Variants in CFAP70 observed in about 807,000 individuals in gnomAD.
CFAP70 encodes the protein cilia- and flagella-associated protein 70.
A neutral mutation model predicts 137.6 loss-of-function variants in CFAP70; 81 were observed. The observed-to-expected ratio is 0.59, with a 90% CI of 0.49 to 0.71. CFAP70 has a LOEUF of 0.71. Among genes scored for constraint, CFAP70 ranks in the 30% least tolerant of loss-of-function variants. The pLI is 0.00. For missense variants in CFAP70, 976 were observed against 1,226.7 expected (o/e 0.80, Z 3.05); for synonymous variants, 382 against 423.6 (o/e 0.90, Z 1.20).
chr10:73,348,984 C>T (rs766351009), intron 3 of CFAP70, among the ~76,000 whole-genome samples: 1 of 151,668 alleles, frequency 6.6e-6, no homozygotes, highest in Non-Finnish European at 1.5e-5. Context: ...ATCGCTTGAA[C>T]CTGGGAGGCA....
At chr10:73,349,214 A>T (rs1442615482) in intron 3 of CFAP70, among the ~76,000 whole-genome samples, 1 of 152,156 alleles carries the variant, frequency 6.6e-6, no homozygotes, top group Non-Finnish European at 1.5e-5. Context: ...GATCTTAAGA[A>T]TGGCTAAAAA....
At chr10:73,351,069 G>GTATATATA (rs1367174993) in intron 3 of CFAP70, among the ~76,000 whole-genome samples, 124 of 50,492 alleles carry the variant, frequency 2.5e-3, no homozygotes, top group Admixed American at 3.2e-3. Flanking sequence ...GTGTGTGTGT[G>GTATATATA]TGTATATATA....
chr10:73,332,438 C>G (rs940199503), intron 7 of CFAP70, among the ~76,000 whole-genome samples: 2 of 152,182 alleles, frequency 1.3e-5, no homozygotes, highest in Non-Finnish European at 2.9e-5. Flanking sequence ...AGATCCTTAT[C>G]TGATCTCAGG....
chr10:73,310,577 C>A (rs2049828045), intron 11 of CFAP70, among the ~76,000 whole-genome samples: 1 of 152,156 alleles, frequency 6.6e-6, no homozygotes, highest in Admixed American at 6.6e-5. Context: ...TTCCAGCAAC[C>A]TTCTTTCAGG....
chr10:73,272,809 A>T, intron 24 of CFAP70, 119 bp downstream of exon 25: 1 of 856,348 alleles, frequency 1.2e-6, no homozygotes, highest in Non-Finnish European at 2.0e-6. Flanking sequence ...ACTTTTCATT[A>T]CAGCAGACAG....
intron 25 of CFAP70, among the ~76,000 whole-genome samples, chr10:73,268,515 AT>A (rs1194674824): frequency 6.6e-6 from 1 of 151,764 alleles, no homozygotes; most frequent in African/African-American, 2.4e-5. Context: ...TATATATCCT[AT>A]TTTTTTTCCT....
rs551357335 is a variant in CFAP70 at position 73,351,943 on chromosome 10, A to G, written c.250+1613T>C. ...GTTGGGGTGGAAGTCTAGGTTCCCT[A>G]CTCAGCCTCCTCTGACACCTGATGG... On this transcript the variant is annotated intron_variant, in intron 3 of 26. Coordinates refer to ENST00000310715, the Ensembl canonical transcript of CFAP70. 3.9e-5 allele frequency among the ~76,000 whole-genome samples: 6 copies of G among 152,342 alleles called. No homozygotes were observed. The South Asian group carries it at 1.2e-3, about 32-fold the overall frequency.
chr10:73,299,919 G>A (rs1337736337), intron 12 of CFAP70, among the ~76,000 whole-genome samples: 2 of 152,082 alleles, frequency 1.3e-5, no homozygotes, highest in African/African-American at 4.8e-5. Flanking sequence ...TGTATTTTTG[G>A]TTAATTTGAG....
intron 26 of CFAP70, 53 bp from the exon 28 acceptor site, chr10:73,254,108 A>C (rs1435477898): frequency 1.4e-6 from 2 of 1,461,632 alleles, no homozygotes; most frequent in African/African-American, 2.8e-5. Flanking sequence ...GATATACTTT[A>C]TGTGGCTTTG....
chr10:73,337,647 G>A (rs1158418909), intron 6 of CFAP70, among the ~76,000 whole-genome samples: 1 of 152,188 alleles, frequency 6.6e-6, no homozygotes, highest in African/African-American at 2.4e-5. Flanking sequence ...GTTCACGCCT[G>A]TAATCCCAGC....
intron 3 of CFAP70, among the ~76,000 whole-genome samples, chr10:73,351,059 GTGTGTGTGTGTGTATATA>G (rs1564889596): frequency 3.7e-5 from 2 of 54,338 alleles, no homozygotes; most frequent in South Asian, 8.3e-4. Flanking sequence ...GTGTGTGTGT[GTGTGTGTGTGTGTATATA>G]TATATATATA....
At chr10:73,270,507 TCCCCTCCCCTCCCCTC>T in intron 24 of CFAP70, among the ~76,000 whole-genome samples, 2 of 8,066 alleles carry the variant, frequency 2.5e-4, no homozygotes, top group South Asian at 8.2e-3. Context: ...TCCCTTCCCT[TCCCCTCCCCTCCCCTC>T]CCCCTCCCCT....
intron 2 of CFAP70, among the ~76,000 whole-genome samples, chr10:73,354,391 TG>T (rs958649315): frequency 2.2e-4 from 34 of 152,362 alleles, no homozygotes; most frequent in African/African-American, 8.2e-4. Context: ...ACATTGTTGT[TG>T]TTTTTTTAAT....
At chr10:73,302,528 G>A (rs2049026596) in intron 12 of CFAP70, among the ~76,000 whole-genome samples, 1 of 152,156 alleles carries the variant, frequency 6.6e-6, no homozygotes, top group Non-Finnish European at 1.5e-5. Flanking sequence ...TTTGTATTTA[G>A]ATAGCATTAC....
intron 16 of CFAP70, among the ~76,000 whole-genome samples, chr10:73,292,355 G>C (rs1357181520): frequency 6.6e-6 from 1 of 152,160 alleles, no homozygotes; most frequent in South Asian, 2.1e-4. Context: ...GTAATCTTCA[G>C]ATGGCAAATA....
chr10:73,271,698 G>T (rs1165096396), intron 24 of CFAP70, among the ~76,000 whole-genome samples: 1 of 151,974 alleles, frequency 6.6e-6, no homozygotes, highest in Non-Finnish European at 1.5e-5. Flanking sequence ...GTATCTATTT[G>T]TCTATTTATT....
intron 24 of CFAP70, among the ~76,000 whole-genome samples, chr10:73,270,268 C>T (rs1014888219): frequency 6.6e-6 from 1 of 152,148 alleles, no homozygotes; most frequent in Non-Finnish European, 1.5e-5. Context: ...CTAGGGTGCA[C>T]TCTGGGCTCT....
chr10:73,264,119 GTCTT>G (rs2045536287), intron 25 of CFAP70, among the ~76,000 whole-genome samples: 1 of 152,084 alleles, frequency 6.6e-6, no homozygotes, highest in South Asian at 2.1e-4. Flanking sequence ...ATATGTGCCA[GTCTT>G]TCTTTGAACA....
intron 2 of CFAP70, 56 bp downstream of exon 2, chr10:73,354,678 C>T (rs376054688): frequency 4.1e-6 from 6 of 1,468,490 alleles, no homozygotes; most frequent in Middle Eastern, 1.7e-4. Flanking sequence ...AATTCCATTC[C>T]TCCTGCAGGT....
Sources: gnomAD v4.1 joint callset for allele counts (sites outside exome capture counted in the v4.1 genomes callset) on GRCh38, gnomAD v4.1.1 for gene constraint, MANE v1.5 for transcripts, NCBI Gene and HGNC (gene_info 2026-07-23, HGNC 2026-07-21) for gene names.